CCDC9: variants seen among roughly 807,000 people sequenced by gnomAD.
CCDC9 encodes coiled-coil domain-containing protein 9.
A neutral mutation model predicts 65.6 loss-of-function variants in CCDC9; 52 were observed. The ratio of observed to expected loss-of-function variants is 0.79; its 90% confidence interval spans 0.63 to 1.00. The LOEUF is 1.00. Among genes scored for constraint, CCDC9 ranks in the 50% least tolerant of loss-of-function variants. The pLI is 0.00. For synonymous variants in CCDC9, 332 were observed against 280.3 expected (o/e 1.18, Z -1.84); for missense variants, 834 against 757.2 (o/e 1.10, Z -1.19).
chr19:47,258,739 A>G lies in CCDC9; in HGVS notation c.108+76A>G, dbSNP rs2059027275. 4.5e-6 allele frequency: 5 copies of G among 1,112,652 alleles called. No individual in the cohort carries two copies. In the East Asian group the frequency reaches 1.2e-4, roughly 26 times the overall value. The allele number at this position is 1,112,652 out of a possible 1,614,324, so 68.9% of individuals were successfully genotyped here. A position where few individuals can be genotyped will look rare whatever the true frequency, so the allele number is the denominator to read the frequency against. ...AGTTTTTCTCACCTCTCCCTTCCTT[A>G]AAACCTTTTCATGGCTCCCCATCAC... On this transcript the variant is annotated intron_variant, in intron 3 of 11. Transcript: ENST00000221922.
At chr19:47,263,437 G>A (rs988562780) in intron 5 of CCDC9, among the ~76,000 whole-genome samples, 4 of 152,178 alleles carry the variant, frequency 2.6e-5, no homozygotes, top group Non-Finnish European at 5.9e-5. Flanking sequence ...CAGGGGATGC[G>A]CTGAATTCCT....
chr19:47,265,547 G>A (rs1042726825), intron 7 of CCDC9, among the ~76,000 whole-genome samples: 4 of 152,102 alleles, frequency 2.6e-5, no homozygotes, highest in Admixed American at 6.6e-5. Flanking sequence ...TAAATTGTCC[G>A]TCTGTTGGTT....
chr19:47,274,801 G>A, downstream of CCDC9: 1 of 699,808 alleles, frequency 1.4e-6, no homozygotes, highest in Non-Finnish European at 1.9e-6. Context: ...GACCATGCTG[G>A]CGGGGGCGGG....
At chr19:47,257,906 G>C (rs1227737287) in intron 1 of CCDC9, 2 of 175,118 alleles carry the variant, frequency 1.1e-5, no homozygotes, top group Non-Finnish European at 2.5e-5. Flanking sequence ...ATGAGCACAG[G>C]GAGGTGGGTC....
chr19:47,266,340 C>T (rs982899825), intron 7 of CCDC9: 19 of 406,434 alleles, frequency 4.7e-5, no homozygotes, highest in African/African-American at 1.9e-4. Flanking sequence ...GAGGTTTCTT[C>T]TGGTGGGAGC....
In CCDC9 at chr19:47,266,776, G is replaced by A. The variant is rs1279671093; in HGVS notation, c.886G>A (p.Glu296Lys). Residue 296 changes from glutamate to lysine, a missense_variant, in exon 8 of 12, where the codon GAG (glutamate) becomes AAG (lysine). Transcript: ENST00000221922. ...CCAGTGGAGGCGCGAGTGGGATGCCGAGAAGACCGATGGGATGTGAGTCTC... is the reference window on the plus strand; with the variant it reads ...CCAGTGGAGGCGCGAGTGGGATGCCAAGAAGACCGATGGGATGTGAGTCTC... Reference protein sequence around the residue: ...TGQWRREWDAEKTDGMFKDGP... With the variant: ...TGQWRREWDAKKTDGMFKDGP... The A allele has an allele frequency of 8.1e-6, 13 of 1,608,156 alleles. No individual in the cohort carries two copies. Among genetic ancestry groups the A allele is most frequent in the Middle Eastern group, 1.6e-4 (1 of 6,078 alleles).
At position 47,265,528 on chromosome 19, in the gene CCDC9, G is replaced by A. The variant is rs569764861; in HGVS notation, c.720+582G>A. On this transcript the variant is annotated intron_variant, in intron 7 of 11. Coordinates refer to ENST00000221922, the MANE Select transcript of CCDC9 (RefSeq NM_015603.3). Reference sequence around the variant, plus strand: ...AGGGGCAGTGTCCTTGCACTTGGTGGTCCACCCCTAAATTGTCCGTCTGTT... The same window carrying A: ...AGGGGCAGTGTCCTTGCACTTGGTGATCCACCCCTAAATTGTCCGTCTGTT... Among the ~76,000 whole-genome samples the A allele has an allele frequency of 2.0e-5, 3 of 152,216 alleles. No individual in the cohort carries two copies. The South Asian group carries it at 6.2e-4, about 32-fold the overall frequency.
chr19:47,259,737 GCAGA>G (rs755881677), intron 3 of CCDC9, among the ~76,000 whole-genome samples: 93 of 152,362 alleles, frequency 6.1e-4, no homozygotes, highest in Non-Finnish European at 9.1e-4. Flanking sequence ...ATCACTGAAA[GCAGA>G]CAGACATTCC....
intron 5 of CCDC9, among the ~76,000 whole-genome samples, chr19:47,264,368 A>G (rs781050670): frequency 1.3e-5 from 2 of 152,180 alleles, no homozygotes; most frequent in Non-Finnish European, 2.9e-5. Flanking sequence ...CTGAAATTCC[A>G]GACCCCCCAG....
In CCDC9 at chr19:47,270,880, T is replaced by C. The variant is rs1600291232; in HGVS notation, c.1085+192T>C. The stretch of plus-strand genomic sequence containing the variant: ...GTTTTACCCTCATCTGTCCCCTTTC[T>C]GCCGTCACCCATCTCCTCTCCTGCT... On this transcript the variant is annotated intron_variant, in intron 10 of 11. Transcript: ENST00000221922. Among the ~76,000 whole-genome samples the C allele has an allele frequency of 2.6e-5, 4 of 152,266 alleles. No homozygotes were observed. The East Asian group carries it at 7.7e-4, about 29-fold the overall frequency.
downstream of CCDC9, chr19:47,273,663 G>A (rs1395524029): frequency 2.6e-6 from 1 of 391,126 alleles, no homozygotes; most frequent in East Asian, 3.6e-5. Context: ...TGGGACGGCT[G>A]GGACGCTTCC....
At position 47,260,606 on chromosome 19, in the gene CCDC9, T is replaced by C; in HGVS notation, c.229T>C (p.Ser77Pro). Reference protein sequence around the residue: ...AVESEKNLGPSRRSPGTPRPP... With the variant: ...AVESEKNLGPPRRSPGTPRPP... ...CTTCCAGGAGAAGAACCTGGGTCCT[T>C]CCCGGAGGTCTCCTGGGACCCCTCG... The change falls in exon 5 of 12, where the codon TCC (serine) becomes CCC (proline). Residue 77 changes from serine (S) to proline (P), a missense_variant. Transcript: ENST00000221922. 1 of 1,527,372 alleles carries C rather than the reference T, an allele frequency of 6.5e-7. No homozygotes were observed. Among genetic ancestry groups the C allele is most frequent in the Non-Finnish European group, 8.7e-7 (1 of 1,146,286 alleles). 94.6% of individuals were successfully genotyped at this position (1,527,372 alleles called of 1,614,324 possible). A position where few individuals can be genotyped will look rare whatever the true frequency, so the allele number is the denominator to read the frequency against.
intron 7 of CCDC9, 94 bp downstream of exon 7, chr19:47,265,040 C>T: frequency 9.0e-7 from 1 of 1,113,812 alleles, no homozygotes; most frequent in Non-Finnish European, 1.2e-6. Context: ...TGGGGCCTCT[C>T]CTTTTTTGTG....
At position 47,271,269 on chromosome 19, in the gene CCDC9, C is replaced by G; in HGVS notation, c.1192-5C>G. On this transcript the variant is annotated splice_polypyrimidine_tract_variant and splice_region_variant and intron_variant, in intron 11 of 11. Coordinates refer to ENST00000221922, the MANE Select transcript of CCDC9 (RefSeq NM_015603.3). Reference sequence around the variant, plus strand: ...CCTTGCCCTGACTTGCCTGTGTCCCCAAAGCCACCCGAGATCCCAGCTCCT... The same window carrying G: ...CCTTGCCCTGACTTGCCTGTGTCCCGAAAGCCACCCGAGATCCCAGCTCCT... 6.2e-7 allele frequency: 1 copy of G among 1,612,078 alleles called. No homozygotes were observed. Among genetic ancestry groups the G allele is most frequent in the South Asian group, 1.1e-5 (1 of 90,710 alleles).
At chr19:47,274,755 C>G, downstream of CCDC9, 1 of 320,172 alleles carries the variant, frequency 3.1e-6, no homozygotes, top group Non-Finnish European at 4.7e-6. Context: ...AGGGGGTGGG[C>G]CTAGGATGCG....
chr19:47,272,202 C>T (rs1168979685), downstream of CCDC9: 3 of 1,199,668 alleles, frequency 2.5e-6, no homozygotes, highest in Non-Finnish European at 3.1e-6. Context: ...GCCGCTGCTT[C>T]CTCTTTCTCT....
chr19:47,270,138 T>A (rs1242721771), intron 8 of CCDC9, among the ~76,000 whole-genome samples: 2 of 151,964 alleles, frequency 1.3e-5, no homozygotes, highest in Non-Finnish European at 2.9e-5. Context: ...CCAGCTAATT[T>A]TTGTATTTTT....
At chr19:47,272,771 G>C (rs2059131695), downstream of CCDC9, among the ~76,000 whole-genome samples, 1 of 152,182 alleles carries the variant, frequency 6.6e-6, no homozygotes, top group East Asian at 1.9e-4. Flanking sequence ...GCAACCTAGT[G>C]GGGCAAATTA....
At chr19:47,259,993 C>T (rs2059034167) in intron 3 of CCDC9, among the ~76,000 whole-genome samples, 1 of 152,162 alleles carries the variant, frequency 6.6e-6, no homozygotes, top group Admixed American at 6.5e-5. Context: ...GCCCCTGAGG[C>T]AGGTTTCAGC....
Sources: allele counts gnomAD v4.1 joint callset (sites outside exome capture counted in the v4.1 genomes callset), GRCh38; gene constraint gnomAD v4.1.1; transcripts MANE v1.5; gene names NCBI Gene and HGNC (gene_info 2026-07-23, HGNC 2026-07-21).